OLFM3: variants seen among roughly 807,000 people sequenced by gnomAD.
OLFM3 encodes olfactomedin 3.
OLFM3 carries 20 observed loss-of-function variants against 48.6 expected under a neutral mutation model. The observed-to-expected ratio is 0.41, with a 90% CI of 0.29 to 0.60. The LOEUF (loss-of-function observed/expected upper bound fraction) is 0.60, where lower values mean the gene tolerates loss of function less well. Among genes scored for constraint, OLFM3 ranks in the 20% least tolerant of loss-of-function variants. The pLI is 0.28. For missense variants in OLFM3, 437 were observed against 544.3 expected, an observed-to-expected ratio of 0.80 and a Z score of 1.96; for synonymous variants, 222 against 198.1, an observed-to-expected ratio of 1.12 and a Z score of -1.01.
At chr1:101,933,397 G>A (rs6577288) in intron 1 of OLFM3, among the ~76,000 whole-genome samples, 74,365 of 151,372 alleles carry the variant, frequency 0.49, 18,781 homozygotes, top group East Asian at 0.65. Flanking sequence ...AAATAACTCA[G>A]TTAGACAAAA....
intron 1 of OLFM3, among the ~76,000 whole-genome samples, chr1:101,960,230 T>C (rs976963224): frequency 1.1e-4 from 17 of 152,112 alleles, no homozygotes; most frequent in Non-Finnish European, 1.8e-4. Context: ...GTTTGCACCA[T>C]GAAATATTAT....
intron 2 of OLFM3, among the ~76,000 whole-genome samples, chr1:101,835,897 T>C (rs1012305439): frequency 1.3e-5 from 2 of 152,232 alleles, no homozygotes; most frequent in Admixed American, 6.5e-5. Context: ...ATTTTCACTA[T>C]GTAGCAGTGG....
rs982896049 is a variant in OLFM3, at chr1:101,804,178, G to A, written c.*60C>T. ...AATAGTGAAGAAAAAAACGGAAGGGGTCTTATAGAGTTTATCACAAATCAC... is the reference window on the plus strand; with the variant it reads ...AATAGTGAAGAAAAAAACGGAAGGGATCTTATAGAGTTTATCACAAATCAC... On this transcript the variant is annotated 3_prime_UTR_variant, in exon 6 of 6. Transcript: ENST00000370103. The surrounding 1 kb of genome is among the most constrained non-coding windows in gnomAD (Gnocchi z 4.5). The A allele has an allele frequency of 3.4e-5, 44 of 1,284,510 alleles. No homozygotes were observed. Among genetic ancestry groups the A allele is most frequent in the Non-Finnish European group, 4.6e-5 (43 of 939,000 alleles). The allele number at this position is 1,284,510 out of a possible 1,614,324, so 79.6% of individuals were successfully genotyped here.
chr1:101,842,806 G>A (rs1557698928), intron 1 of OLFM3, among the ~76,000 whole-genome samples: 1 of 152,110 alleles, frequency 6.6e-6, no homozygotes, highest in East Asian at 1.9e-4. Flanking sequence ...TCCTTCTTTG[G>A]CCCTACTTTT....
At chr1:101,986,442 C>T (rs1260389093) in intron 1 of OLFM3, among the ~76,000 whole-genome samples, 12 of 152,142 alleles carry the variant, frequency 7.9e-5, no homozygotes, top group African/African-American at 2.9e-4. Flanking sequence ...AAGTTCCCTG[C>T]TTTTCTAACT....
intron 1 of OLFM3, among the ~76,000 whole-genome samples, chr1:101,938,001 C>T (rs374078528): frequency 6.6e-6 from 1 of 152,152 alleles, no homozygotes; most frequent in African/African-American, 2.4e-5. Flanking sequence ...TTTCTGAACA[C>T]TTTGGCATTT....
chr1:101,822,998 A>G (rs763102463), intron 4 of OLFM3, among the ~76,000 whole-genome samples: 1 of 152,038 alleles, frequency 6.6e-6, no homozygotes, highest in Non-Finnish European at 1.5e-5. Flanking sequence ...TCTTGTTATG[A>G]GTAAAATAGA....
Position 101,951,747 on chromosome 1 carries a change from C to T in OLFM3, c.69+45001G>A, listed in dbSNP as rs548834300. On this transcript the variant is annotated intron_variant, in intron 1 of 5. Coordinates refer to ENST00000370103, the MANE Select transcript of OLFM3 (RefSeq NM_058170.4). ...CATCTATAAAGGTTTCATTCAGAAT[C>T]GTAAATTATAAGATATTCCAGTCTT... 3.9e-5 allele frequency among the ~76,000 whole-genome samples: 6 copies of T among 152,182 alleles called. No individual in the cohort carries two copies. In the East Asian group the frequency reaches 1.2e-3, roughly 29 times the overall value.
chr1:101,829,257 C>T (rs1042779489), intron 3 of OLFM3, among the ~76,000 whole-genome samples: 7 of 152,174 alleles, frequency 4.6e-5, no homozygotes, highest in Non-Finnish European at 1.0e-4. Context: ...CCAGTTCACT[C>T]ACACTCTCAT....
rs71088114 is a variant in OLFM3 at position 101,949,931 on chromosome 1, GAA to G, written c.69+46815_69+46816del. Among the ~76,000 whole-genome samples the G allele has an allele frequency of 3.9e-3, 210 of 53,370 alleles. 6 individuals are homozygous for G. Among genetic ancestry groups the G allele is most frequent in the African/African-American group, 0.014 (187 of 13,550 alleles). 35.0% of individuals were successfully genotyped at this position (53,370 alleles called of 152,430 possible). A position where few individuals can be genotyped will look rare whatever the true frequency, so the allele number is the denominator to read the frequency against. ...TGGGCAACAGAGCAAGACTCCGTCT[GAA>G]AAAAAAAAAAAAAAAGCCTCTGATG... is the stretch of plus-strand genomic sequence containing the variant. On this transcript the variant is annotated intron_variant, in intron 1 of 5. Transcript: ENST00000370103.
At chr1:101,865,522 C>T (rs1472667424) in intron 1 of OLFM3, among the ~76,000 whole-genome samples, 1 of 152,154 alleles carries the variant, frequency 6.6e-6, no homozygotes, top group Non-Finnish European at 1.5e-5. Context: ...AAGTATGTGA[C>T]ATTACTCCAC....
intron 1 of OLFM3, among the ~76,000 whole-genome samples, chr1:101,987,328 A>G (rs1661270634): frequency 1.3e-5 from 2 of 152,188 alleles, no homozygotes; most frequent in South Asian, 4.1e-4. Flanking sequence ...TTTAAGATCA[A>G]TCAAATGAAA....
chr1:101,853,561 AT>A (rs1656302842), intron 1 of OLFM3, among the ~76,000 whole-genome samples: 1 of 152,104 alleles, frequency 6.6e-6, no homozygotes, highest in African/African-American at 2.4e-5. Context: ...TTACTGGGGT[AT>A]TCTTAGCCTA....
intron 1 of OLFM3, among the ~76,000 whole-genome samples, chr1:101,920,635 G>A (rs892077604): frequency 2.0e-5 from 3 of 152,186 alleles, no homozygotes; most frequent in Non-Finnish European, 4.4e-5. Flanking sequence ...ACAACAGTAT[G>A]TAACCAGTGA....
At chr1:101,903,278 A>G (rs759668822) in intron 1 of OLFM3, among the ~76,000 whole-genome samples, 3 of 152,126 alleles carry the variant, frequency 2.0e-5, no homozygotes, top group Non-Finnish European at 4.4e-5. Context: ...CAACACAAGA[A>G]CAAAGACAAT....
chr1:101,869,716 C>G (rs1032715937), intron 1 of OLFM3, among the ~76,000 whole-genome samples: 2 of 152,088 alleles, frequency 1.3e-5, no homozygotes, highest in Non-Finnish European at 2.9e-5. Flanking sequence ...GGGAGGGACC[C>G]AGTGGGAGGT....
At chr1:101,883,346 C>T (rs1391375807) in intron 1 of OLFM3, among the ~76,000 whole-genome samples, 2 of 150,700 alleles carry the variant, frequency 1.3e-5, no homozygotes, top group Non-Finnish European at 3.0e-5. Context: ...TATATATACA[C>T]ACACACACAC....
intron 4 of OLFM3, among the ~76,000 whole-genome samples, chr1:101,807,385 G>T (rs890461926): frequency 6.6e-6 from 1 of 151,522 alleles, no homozygotes; most frequent in Non-Finnish European, 1.5e-5. Flanking sequence ...ACTCTTTTGG[G>T]TCCTACTTGT....
chr1:101,894,425 A>G (rs955266320), intron 1 of OLFM3, among the ~76,000 whole-genome samples: 2 of 152,140 alleles, frequency 1.3e-5, no homozygotes, highest in African/African-American at 4.8e-5. Context: ...ATATACTGAG[A>G]TTCATAAAAC....
Sources: allele counts gnomAD v4.1 joint callset (sites outside exome capture counted in the v4.1 genomes callset), GRCh38; gene constraint gnomAD v4.1.1; non-coding constraint Gnocchi (gnomAD v3.1); transcripts MANE v1.5; gene names NCBI Gene and HGNC (gene_info 2026-07-23, HGNC 2026-07-21).